Variants in RALYL observed in about 807,000 individuals in gnomAD.
RALYL encodes the protein RALY RNA binding protein like.
In RALYL, 29 loss-of-function variants were observed where a neutral mutation model predicts 35.1. That is an observed-to-expected ratio of 0.83 (90% confidence interval 0.61 to 1.13). RALYL has a LOEUF of 1.13. Among genes scored for constraint, RALYL ranks in the 50% most tolerant of loss-of-function variants. The pLI, the probability that RALYL is intolerant of heterozygous loss-of-function variation, is 0.00. For synonymous variants in RALYL, 120 were observed against 127.6 expected (o/e 0.94, Z 0.40); for missense variants, 359 against 360.4 (o/e 1.00, Z 0.03).
intron 3 of RALYL, among the ~76,000 whole-genome samples, chr8:84,789,505 C>T (rs985818370): frequency 3.3e-5 from 5 of 151,626 alleles, no homozygotes; most frequent in African/African-American, 1.2e-4. Flanking sequence ...TTTGTTACTC[C>T]AACTCAATAT....
intron 2 of RALYL, among the ~76,000 whole-genome samples, chr8:84,641,982 A>C (rs903142033): frequency 1.3e-5 from 2 of 151,980 alleles, no homozygotes; most frequent in Non-Finnish European, 2.9e-5. Context: ...TTATAGTTAG[A>C]AACTAGTTTT....
chr8:84,707,332 C>T (rs1027191252), intron 2 of RALYL, among the ~76,000 whole-genome samples: 25 of 152,108 alleles, frequency 1.6e-4, no homozygotes, highest in Admixed American at 6.6e-5. Context: ...GATTAATTTT[C>T]TTGTGATTTC....
intron 2 of RALYL, among the ~76,000 whole-genome samples, chr8:84,546,255 G>A (rs2060350509): frequency 6.6e-6 from 1 of 152,026 alleles, no homozygotes; most frequent in Non-Finnish European, 1.5e-5. Context: ...CCTCTGGTGT[G>A]ACTACAGGCA....
intron 1 of RALYL, among the ~76,000 whole-genome samples, chr8:84,402,850 A>C (rs926010825): frequency 2.0e-5 from 3 of 152,128 alleles, no homozygotes; most frequent in Non-Finnish European, 4.4e-5. Context: ...AATGATCGCC[A>C]TTCTAACTGG....
chr8:84,820,715 CCT>C (rs1828338319), intron 4 of RALYL, among the ~76,000 whole-genome samples: 1 of 152,164 alleles, frequency 6.6e-6, no homozygotes, highest in Non-Finnish European at 1.5e-5. Context: ...CCCCTTGCCC[CCT>C]GACAGGCCCT....
chr8:84,471,515 GC>G (rs34500897), intron 1 of RALYL, among the ~76,000 whole-genome samples: 1 of 151,860 alleles, frequency 6.6e-6, no homozygotes, highest in South Asian at 2.1e-4. Flanking sequence ...GATGGCTTGA[GC>G]CCAGGAGTTT....
At chr8:84,854,895 C>T (rs527855898) in intron 5 of RALYL, among the ~76,000 whole-genome samples, 2 of 152,220 alleles carry the variant, frequency 1.3e-5, no homozygotes, top group East Asian at 3.9e-4. Context: ...ACAAGGAGAA[C>T]CTGTGGTGCT....
intron 2 of RALYL, among the ~76,000 whole-genome samples, chr8:84,603,927 T>TG (rs1816540991): frequency 6.6e-6 from 1 of 152,030 alleles, no homozygotes. Context: ...TATCAGGTTT[T>TG]TTTTGTTTGT....
At chr8:84,880,027 G>T (rs1841901208) in intron 7 of RALYL, among the ~76,000 whole-genome samples, 1 of 152,104 alleles carries the variant, frequency 6.6e-6, no homozygotes, top group Admixed American at 6.6e-5. Context: ...GCTGGAGCAA[G>T]CTAATGGAAA....
intron 1 of RALYL, among the ~76,000 whole-genome samples, chr8:84,299,209 G>C (rs1007848932): frequency 1.3e-5 from 2 of 151,710 alleles, no homozygotes; most frequent in Admixed American, 1.3e-4. Flanking sequence ...AGCCTTTTCT[G>C]CATCTATTAA....
At chr8:84,288,203 G>C (rs1345677977) in intron 1 of RALYL, among the ~76,000 whole-genome samples, 3 of 150,680 alleles carry the variant, frequency 2.0e-5, no homozygotes, top group Admixed American at 6.6e-5. Flanking sequence ...TTTTTTTTCT[G>C]TGCCTTAGAA....
chr8:84,298,973 G>A (rs966111936), intron 1 of RALYL, among the ~76,000 whole-genome samples: 40 of 151,940 alleles, frequency 2.6e-4, no homozygotes, highest in Admixed American at 4.6e-4. Context: ...AGACTATAGA[G>A]TTTTCTAGGT....
chr8:84,221,858 C>A (rs1429780223), intron 1 of RALYL, among the ~76,000 whole-genome samples: 1 of 152,070 alleles, frequency 6.6e-6, no homozygotes, highest in Non-Finnish European at 1.5e-5. Context: ...CTGGTGTGGT[C>A]TGTCTTTCTA....
intron 2 of RALYL, among the ~76,000 whole-genome samples, chr8:84,654,313 A>ATATATC (rs1829527506): frequency 8.0e-6 from 1 of 125,060 alleles, no homozygotes; most frequent in African/African-American, 3.0e-5. Flanking sequence ...ATATATATAT[A>ATATATC]TCATGTACCA....
In RALYL at chr8:84,571,622, C is replaced by G. The variant is rs1042203977; in HGVS notation, c.256+42045C>G. Reference sequence around the variant, plus strand: ...GGTCTCAGTCTCATTTAGTTCTCCTCTTATCTTTGCTATTTATTTTCTTAT... The same window carrying G: ...GGTCTCAGTCTCATTTAGTTCTCCTGTTATCTTTGCTATTTATTTTCTTAT... On this transcript the variant is annotated intron_variant, in intron 2 of 8. Coordinates refer to ENST00000521268, the MANE Select transcript of RALYL (RefSeq NM_173848.7). Among the ~76,000 whole-genome samples, 7 of 151,764 alleles carry G rather than the reference C, an allele frequency of 4.6e-5. No homozygotes were observed. In the South Asian group the frequency reaches 1.0e-3, roughly 22 times the overall value.
At chr8:84,524,971 T>C (rs2058760484) in intron 1 of RALYL, among the ~76,000 whole-genome samples, 1 of 134,088 alleles carries the variant, frequency 7.5e-6, no homozygotes, top group African/African-American at 2.7e-5. Flanking sequence ...TTATCCTATA[T>C]GTCTAGAAGG....
At chr8:84,200,278 A>G (rs1333322933) in intron 1 of RALYL, among the ~76,000 whole-genome samples, 2 of 152,112 alleles carry the variant, frequency 1.3e-5, no homozygotes, top group Non-Finnish European at 2.9e-5. Context: ...GGATGCTGAG[A>G]CTGATATAGG....
intron 2 of RALYL, chr8:84,679,928 G>C (rs185516268): frequency 3.2e-6 from 1 of 312,432 alleles, no homozygotes; most frequent in African/African-American, 2.2e-5. Context: ...ATATACATGT[G>C]CCATGTTGGT....
At chr8:84,322,053 C>T (rs1258040888) in intron 1 of RALYL, among the ~76,000 whole-genome samples, 1 of 151,970 alleles carries the variant, frequency 6.6e-6, no homozygotes, top group Non-Finnish European at 1.5e-5. Context: ...AAAGGAGAAA[C>T]AGACAAAATC....
Sources: allele counts gnomAD v4.1 joint callset (sites outside exome capture counted in the v4.1 genomes callset), GRCh38; gene constraint gnomAD v4.1.1; transcripts MANE v1.5; gene names NCBI Gene and HGNC (gene_info 2026-07-23, HGNC 2026-07-21).